Variants in PRF1 observed in about 807,000 individuals in gnomAD.
PRF1 encodes the protein perforin-1.
A neutral mutation model predicts 11.7 loss-of-function variants in PRF1; 11 were observed. That is an observed-to-expected ratio of 0.94 (90% CI 0.59 to 1.56). PRF1 has a LOEUF of 1.56. Among genes scored for constraint, PRF1 ranks in the 40% most tolerant of loss-of-function variants. The probability of loss-of-function intolerance (pLI) is 0.00; values close to 1 mark genes in which losing one functional copy is unlikely to be tolerated. For synonymous variants in PRF1, 314 were observed against 327.8 expected (o/e 0.96, Z 0.45); for missense variants, 729 against 751.0 (o/e 0.97, Z 0.34).
chr10:70,598,828 T>G lies in PRF1; in HGVS notation c.893A>C (p.Glu298Ala). 6.2e-7 allele frequency: 1 copy of G among 1,614,210 alleles called. No individual in the cohort carries two copies. The highest frequency in any genetic ancestry group is 8.5e-7 in the Non-Finnish European group (1 of 1,180,046). ...MTASFHQTYR[E>A]RHSEVVGGHH... ...GCCGCCAACCACTTCCGAGTGGCGC[T>G]CCCGGTAGGTTTGGTGGAAGGAGGC... Residue 298 changes from glutamate (E) to alanine (A), a missense_variant, in exon 3 of 3, where the codon GAG becomes GCG. Glu to Ala is a moderately radical substitution (Grantham distance 107). Coordinates refer to ENST00000441259, the MANE Select transcript of PRF1 (RefSeq NM_001083116.3).
chr10:70,599,689 C>G (rs1046494341), intron 2 of PRF1, among the ~76,000 whole-genome samples: 1 of 152,172 alleles, frequency 6.6e-6, no homozygotes, highest in African/African-American at 2.4e-5. Flanking sequence ...ATCCATCCGT[C>G]CCCCTGGATG....
Position 70,599,017 on chromosome 10 carries a change from G to A in PRF1, c.704C>T (p.Ala235Val), listed in dbSNP as rs142403457. Residue 235 changes from alanine (A) to valine (V), a missense_variant, in exon 3 of 3, where the codon GCC becomes GTC. Physicochemically the swap from Ala to Val is moderately conservative, Grantham distance 64. Coordinates refer to ENST00000441259, the MANE Select transcript of PRF1 (RefSeq NM_001083116.3). ...CTCGCAGGTGCGCAGGGCAGTGAGG[G>A]CCGATATGCGGCCACCCAGCTCCAC... ...RAVELGGRIS[A>V]LTALRTCELA... 1.2e-4 allele frequency: 192 copies of A among 1,613,686 alleles called. No individual in the cohort carries two copies. The highest frequency in any genetic ancestry group is 1.6e-4 in the Non-Finnish European group (183 of 1,179,730).
chr10:70,602,166 CAA>C (rs1848240862), intron 1 of PRF1, among the ~76,000 whole-genome samples: 1 of 152,182 alleles, frequency 6.6e-6, no homozygotes, highest in South Asian at 2.1e-4. Context: ...GGTTCTGAGA[CAA>C]GAGGGCTATG....
At chr10:70,602,036 G>C (rs896414712) in intron 1 of PRF1, among the ~76,000 whole-genome samples, 19 of 152,126 alleles carry the variant, frequency 1.2e-4, no homozygotes, top group Non-Finnish European at 1.8e-4. Flanking sequence ...CTAATTTTAA[G>C]GTGTTTCTGG....
rs745878717 is a variant in PRF1 at position 70,600,553 on chromosome 10, A to T, written c.350T>A (p.Val117Glu). 6 of 1,614,002 alleles carry T rather than the reference A, an allele frequency of 3.7e-6. No homozygotes were observed. The African/African-American group carries it at 8.0e-5, about 22-fold the overall frequency. ...TRAKVSSTEA[V>E]ARDAARSIRN... ...GATGCTACGAGCCGCATCCCGGGCC[A>T]CAGCTTCAGTGGAGCTGACTTTGGC... Residue 117 changes from valine (V) to glutamate (E), a missense_variant, in exon 2 of 3, where the codon GTG becomes GAG. Coordinates refer to ENST00000441259, the MANE Select transcript of PRF1 (RefSeq NM_001083116.3). This position sits in a 1 kb window ranked among gnomAD's most constrained non-coding sequence, Gnocchi z 4.9.
intron 1 of PRF1, among the ~76,000 whole-genome samples, chr10:70,601,840 A>AAAAAAAAAAAAGAGAAATAAAAAAAAG (rs55649452): frequency 1.0e-5 from 1 of 97,760 alleles, no homozygotes. Context: ...AAAAAAAAAA[A>AAAAAAAAAAAAGAGAAATAAAAAAAAG]AAAAAGGGGC....
chr10:70,597,771 T>G lies in PRF1; in HGVS notation c.*282A>C. The G allele has an allele frequency of 3.3e-6, 2 of 601,774 alleles. No individual in the cohort carries two copies. Among genetic ancestry groups the G allele is most frequent in the Non-Finnish European group, 5.9e-6 (2 of 340,038 alleles). 37.3% of individuals were successfully genotyped at this position (601,774 alleles called of 1,614,324 possible). On this transcript the variant is annotated 3_prime_UTR_variant, in exon 3 of 3. Transcript: ENST00000441259. Reference sequence around the variant, plus strand: ...TGCGTATCCAATCTTTTGGCTTCTCTGGGCCACGTTGGAAGAAGAATTGTG... The same window carrying G: ...TGCGTATCCAATCTTTTGGCTTCTCGGGGCCACGTTGGAAGAAGAATTGTG...
Position 70,601,930 on chromosome 10 carries a change from C to G in PRF1, c.-31+715G>C, listed in dbSNP as rs140443911. Among the ~76,000 whole-genome samples the G allele has an allele frequency of 4.5e-3, 692 of 152,218 alleles. 3 individuals are homozygous for G. Among genetic ancestry groups the G allele is most frequent in the Non-Finnish European group, 7.3e-3 (494 of 68,014 alleles). ...TCAGATCCTTTCTTGCTGCCCCTCCCCTCTTTGCCACTCCCTGCCAAGCTC... is the reference window on the plus strand; with the variant it reads ...TCAGATCCTTTCTTGCTGCCCCTCCGCTCTTTGCCACTCCCTGCCAAGCTC... On this transcript the variant is annotated intron_variant, in intron 1 of 2. Transcript: ENST00000441259.
In PRF1 at chr10:70,601,062, G is replaced by A. The variant is rs76661035; in HGVS notation, c.-30-130C>T. ...CATTATTCAATGAATGTCAGAGCTGGTATGTCCCTTATAGGCCTGGTTCAG... is the reference window on the plus strand; with the variant it reads ...CATTATTCAATGAATGTCAGAGCTGATATGTCCCTTATAGGCCTGGTTCAG... On this transcript the variant is annotated intron_variant, in intron 1 of 2. Transcript: ENST00000441259. 3,076 of 1,342,244 alleles carry A rather than the reference G, an allele frequency of 2.3e-3. 54 individuals carry two copies. The African/African-American group carries it at 0.039, about 17-fold the overall frequency. 83.1% of individuals were successfully genotyped at this position (1,342,244 alleles called of 1,614,324 possible). A position where few individuals can be genotyped will look rare whatever the true frequency, so the allele number is the denominator to read the frequency against.
In PRF1 at chr10:70,600,333, C is replaced by G; in HGVS notation, c.539+31G>C. ...CCACCCAGAGTTTCCCGCGCCTTTT[C>G]CAGCCCCCCACCCCTAGCCCCAGCT... On this transcript the variant is annotated intron_variant, in intron 2 of 2. Coordinates refer to ENST00000441259, the MANE Select transcript of PRF1 (RefSeq NM_001083116.3). This position sits in a 1 kb window ranked among gnomAD's most constrained non-coding sequence, Gnocchi z 4.9. 6.2e-7 allele frequency: 1 copy of G among 1,613,408 alleles called. No individual in the cohort carries two copies. The highest frequency in any genetic ancestry group is 8.5e-7 in the Non-Finnish European group (1 of 1,179,906).
chr10:70,598,680 G>C lies in PRF1; in HGVS notation c.1041C>G (p.His347Gln), dbSNP rs150104693. 6.2e-7 allele frequency: 1 copy of C among 1,613,936 alleles called. No individual in the cohort carries two copies. Among genetic ancestry groups the C allele is most frequent in the Non-Finnish European group, 8.5e-7 (1 of 1,180,050 alleles). The stretch of plus-strand genomic sequence containing the variant: ...GCGGGTCCTGGCTGTCCAGCAGCAC[G>C]TGCAGGGGTTCCAGGGTGTAGTCCA... ...GLVDYTLEPL[H>Q]VLLDSQDPRR... The change falls in exon 3 of 3, where the codon CAC becomes CAG. Residue 347 changes from histidine (H) to glutamine (Q), a missense_variant. By Grantham distance (24) the His-to-Gln change is conservative (BLOSUM62 0). Coordinates refer to ENST00000441259, the MANE Select transcript of PRF1 (RefSeq NM_001083116.3).
chr10:70,598,877 T>C lies in PRF1; in HGVS notation c.844A>G (p.Lys282Glu), dbSNP rs2132476325. Reference protein sequence around the residue: ...ISAEAKACEEKKKKHKMTASF... With the variant: ...ISAEAKACEEEKKKHKMTASF... Reference sequence around the variant, plus strand: ...GCCGTCATCTTGTGCTTCTTCTTCTTCTCCTCACAGGCCTTGGCTTCGGCA... The same window carrying C: ...GCCGTCATCTTGTGCTTCTTCTTCTCCTCCTCACAGGCCTTGGCTTCGGCA... Residue 282 changes from lysine (K) to glutamate (E), a missense_variant, in exon 3 of 3, where the codon AAG becomes GAG. Lys to Glu is a moderately conservative substitution (Grantham distance 56). Transcript: ENST00000441259. The C allele has an allele frequency of 3.1e-6, 5 of 1,614,172 alleles. No individual in the cohort carries two copies. The highest frequency in any genetic ancestry group is 3.3e-5 in the Admixed American group (2 of 60,026).
Position 70,598,146 on chromosome 10 carries a change from G to A in PRF1, c.1575C>T (p.Cys525=). Residue 525 remains cysteine, a synonymous_variant, in exon 3 of 3, where the codon TGC becomes TGT. Coordinates refer to ENST00000441259, the MANE Select transcript of PRF1 (RefSeq NM_001083116.3). ...AGGTGCCTCCTCCCAGGTGGGGCAA[G>A]CACCTGGCATGATAGCGGAATTTTA... The part of the protein sequence containing the change: ...GHLKFRYHAR[C]LPHLGGGTCL... The A allele has an allele frequency of 6.2e-7, 1 of 1,614,198 alleles. No individual in the cohort carries two copies. Among genetic ancestry groups the A allele is most frequent in the Non-Finnish European group, 8.5e-7 (1 of 1,180,038 alleles).
chr10:70,600,609 C>CT lies in PRF1; in HGVS notation c.293dup (p.Ser100LeufsTer16). 6.2e-7 allele frequency: 1 copy of CT among 1,613,210 alleles called. No homozygotes were observed. The highest frequency in any genetic ancestry group is 8.5e-7 in the Non-Finnish European group (1 of 1,179,524). ...TTACATGGCGCTGGCAGCCAGAGCC[C>CT]TGGGCCCGCCAGTTGGTGAGCGCCA... On this transcript the variant is annotated frameshift_variant, in exon 2 of 3. Transcript: ENST00000441259. LOFTEE classifies it high-confidence loss of function. This position sits in a 1 kb window ranked among gnomAD's most constrained non-coding sequence, Gnocchi z 4.9.
rs1231357623 is a variant in PRF1, at chr10:70,600,654, G to T, written c.249C>A (p.Gly83=). 6.2e-7 allele frequency: 1 copy of T among 1,613,594 alleles called. No individual in the cohort carries two copies. The highest frequency in any genetic ancestry group is 1.7e-5 in the Admixed American group (1 of 60,010). ...CTLCENALQE[G]TLQRLPLALT... ...GCGCCAGAGGCAGGCGCTGGAGGGTGCCCTCCTGTAGGGCATTTTCACAGA... is the reference window on the plus strand; with the variant it reads ...GCGCCAGAGGCAGGCGCTGGAGGGTTCCCTCCTGTAGGGCATTTTCACAGA... The change falls in exon 2 of 3, where the codon GGC becomes GGA. Residue 83 remains glycine (G), a synonymous_variant. Coordinates refer to ENST00000441259, the MANE Select transcript of PRF1 (RefSeq NM_001083116.3). This position sits in a 1 kb window ranked among gnomAD's most constrained non-coding sequence, Gnocchi z 4.9.
rs143043887 is a variant in PRF1 at position 70,598,913 on chromosome 10, C to G, written c.808G>C (p.Gly270Arg). 1 of 1,614,240 alleles carries G rather than the reference C, an allele frequency of 6.2e-7. No homozygotes were observed. Among genetic ancestry groups the G allele is most frequent in the Non-Finnish European group, 8.5e-7 (1 of 1,180,042 alleles). ...VEAQVNIGIH[G>R]SISAEAKACE... ...GCCTTGGCTTCGGCAGAGATGCTGCCGTGGATGCCTATGTTGACCTGGGCC... is the reference window on the plus strand; with the variant it reads ...GCCTTGGCTTCGGCAGAGATGCTGCGGTGGATGCCTATGTTGACCTGGGCC... The change falls in exon 3 of 3, where the codon GGC (glycine) becomes CGC (arginine). Residue 270 changes from glycine to arginine, a missense_variant. Transcript: ENST00000441259.
At position 70,598,710 on chromosome 10, in the gene PRF1, G is replaced by T. The variant is rs750774864; in HGVS notation, c.1011C>A (p.Gly337=). The change falls in exon 3 of 3, where the codon GGC becomes GGA. Residue 337 remains glycine, a synonymous_variant. Coordinates refer to ENST00000441259, the MANE Select transcript of PRF1 (RefSeq NM_001083116.3). ...GGGGTTCCAGGGTGTAGTCCACCAG[G>T]CCAGGGCTGCCGGGCAGCGAGTTTA... is the stretch of plus-strand genomic sequence containing the variant. ...AWVNSLPGSP[G]LVDYTLEPLH... 2.5e-6 allele frequency: 4 copies of T among 1,614,216 alleles called. No individual in the cohort carries two copies. The South Asian group carries it at 4.4e-5, about 18-fold the overall frequency.
rs1311600954 is a variant in PRF1 at position 70,600,224 on chromosome 10, C to G, written c.539+140G>C. ...GCCACAGGGCTGAATCACCTGAAGT[C>G]TGAGAGCCAGGATTGCAGTTTCTTC... On this transcript the variant is annotated intron_variant, in intron 2 of 2. Transcript: ENST00000441259. This position sits in a 1 kb window ranked among gnomAD's most constrained non-coding sequence, Gnocchi z 4.9. 6.8e-7 allele frequency: 1 copy of G among 1,471,300 alleles called. No individual in the cohort carries two copies. Among genetic ancestry groups the G allele is most frequent in the African/African-American group, 1.4e-5 (1 of 71,606 alleles). 91.1% of individuals were successfully genotyped at this position (1,471,300 alleles called of 1,614,324 possible).
At position 70,598,456 on chromosome 10, in the gene PRF1, A is replaced by G. The variant is rs2132475412; in HGVS notation, c.1265T>C (p.Ile422Thr). The change falls in exon 3 of 3, where the codon ATC becomes ACC. Residue 422 changes from isoleucine to threonine, a missense_variant. By Grantham distance (89) the Ile-to-Thr change is moderately conservative. Transcript: ENST00000441259. ...RGLAQLEVTF[I>T]QAWGLWGDWF... ...GTCCCCCCACAGGCCCCATGCTTGG[A>G]TGAAGGTCACCTCCAGCTGGGCCAG... The G allele has an allele frequency of 6.2e-7, 1 of 1,613,704 alleles. No individual in the cohort carries two copies. Among genetic ancestry groups the G allele is most frequent in the African/African-American group, 1.3e-5 (1 of 75,040 alleles).
Sources: allele counts gnomAD v4.1 joint callset (sites outside exome capture counted in the v4.1 genomes callset), GRCh38; gene constraint gnomAD v4.1.1; non-coding constraint Gnocchi (gnomAD v3.1); transcripts MANE v1.5; gene names NCBI Gene and HGNC (gene_info 2026-07-23, HGNC 2026-07-21).